ADGRL2: variants seen among roughly 807,000 people sequenced by gnomAD.
ADGRL2 encodes adhesion G protein-coupled receptor L2.
A neutral mutation model predicts 157.4 loss-of-function variants in ADGRL2; 44 were observed. The ratio of observed to expected loss-of-function variants is 0.28; its 90% confidence interval spans 0.22 to 0.36. The LOEUF is 0.36. Ranked by LOEUF, ADGRL2 falls within the 10% of genes least tolerant of loss-of-function variation. The pLI is 1.00. For synonymous variants in ADGRL2, 585 were observed against 624.7 expected, an observed-to-expected ratio of 0.94 and a Z score of 0.95; for missense variants, 1,510 against 1,768.9, an observed-to-expected ratio of 0.85 and a Z score of 2.63.
In ADGRL2 at chr1:81,525,085, A is replaced by C. The variant is rs535746012; in HGVS notation, c.-247-55791A>C. ...TTTTGAATTAGAACCTTTTGAGGTC[A>C]TCACTATTCAAAAAATAAACTAAAA... is the stretch of plus-strand genomic sequence containing the variant. On this transcript the variant is annotated intron_variant, in intron 2 of 24. Transcript: ENST00000370721. 2.0e-3 allele frequency among the ~76,000 whole-genome samples: 305 copies of C among 152,280 alleles called. 1 individual carries two copies. The highest frequency in any genetic ancestry group is 6.8e-3 in the Middle Eastern group (2 of 294).
chr1:81,923,049 G>A (rs1177681349), intron 3 of ADGRL2, among the ~76,000 whole-genome samples: 1 of 152,110 alleles, frequency 6.6e-6, no homozygotes, highest in Non-Finnish European at 1.5e-5. Context: ...AGCTCATTGG[G>A]TAATAGGCTG....
intron 1 of ADGRL2, among the ~76,000 whole-genome samples, chr1:81,359,532 A>G (rs976001409): frequency 5.3e-5 from 8 of 152,074 alleles, no homozygotes; most frequent in Non-Finnish European, 1.5e-5. Flanking sequence ...AGTATACAGC[A>G]TTAATATTTA....
At chr1:81,953,395 CATAAT>C (rs1180532064) in intron 10 of ADGRL2, among the ~76,000 whole-genome samples, 1 of 152,034 alleles carries the variant, frequency 6.6e-6, no homozygotes, top group Non-Finnish European at 1.5e-5. Flanking sequence ...ACTGTATAGT[CATAAT>C]ATATGTGCAT....
At chr1:81,748,033 C>A (rs1445275497) in intron 1 of ADGRL2, among the ~76,000 whole-genome samples, 1 of 152,112 alleles carries the variant, frequency 6.6e-6, no homozygotes, top group Admixed American at 6.5e-5. Context: ...CTAACTTCTG[C>A]TTACAAATCT....
chr1:81,442,602 C>CCTCACAGTAAA lies in ADGRL2; in HGVS notation c.-301-2434_-301-2433insCTCACAGTAAA, dbSNP rs1244307263. Among the ~76,000 whole-genome samples, 20 of 152,276 alleles carry CCTCACAGTAAA rather than the reference C, an allele frequency of 1.3e-4. No homozygotes were observed. In the South Asian group the frequency reaches 4.2e-3, roughly 32 times the overall value. ...TATGTAGGAAATTTTCCTTTGTTAC[C>CCTCACAGTAAA]TGTCATAGAACCTTTACAGTTATGT... On this transcript the variant is annotated intron_variant, in intron 1 of 24. Transcript: ENST00000370721.
chr1:81,387,387 A>G (rs1350663947), intron 1 of ADGRL2, among the ~76,000 whole-genome samples: 1 of 152,176 alleles, frequency 6.6e-6, no homozygotes, highest in South Asian at 2.1e-4. Flanking sequence ...TTTAAGTTTC[A>G]TATATAAATG....
At chr1:81,508,460 T>C (rs1224634524) in intron 2 of ADGRL2, among the ~76,000 whole-genome samples, 4 of 152,236 alleles carry the variant, frequency 2.6e-5, no homozygotes, top group African/African-American at 9.6e-5. Flanking sequence ...AGTGTGCTCA[T>C]GAGGCATTAC....
At chr1:81,316,130 C>CAA (rs1169587245) in intron 1 of ADGRL2, among the ~76,000 whole-genome samples, 30 of 107,830 alleles carry the variant, frequency 2.8e-4, no homozygotes, top group African/African-American at 1.1e-3. Context: ...ACCAAAAAAA[C>CAA]AAAAAAAAAA....
chr1:81,953,001 G>A lies in ADGRL2; in HGVS notation c.1809G>A (p.Glu603=). The part of the protein sequence containing the change: ...GRSYNKLQKR[E]KTCRAYLKAI... ...TTACTTAAAAGCTCCAAAAACGAGA[G>A]AAGACATGCAGGGCTTACCTTAAGG... The change falls in exon 10 of 24, where the codon GAG becomes GAA. Residue 603 remains glutamate, a synonymous_variant. Coordinates refer to ENST00000686636, the MANE Select transcript of ADGRL2 (RefSeq NM_001366006.2). The A allele has an allele frequency of 6.2e-7, 1 of 1,611,858 alleles. No homozygotes were observed.
rs369967142 is a variant in ADGRL2, at chr1:81,633,595, C to CAAAA, written c.-143+52637_-143+52640dup. Among the ~76,000 whole-genome samples the CAAAA allele has an allele frequency of 5.7e-3, 283 of 49,996 alleles. 5 individuals carry two copies. The highest frequency in any genetic ancestry group is 7.2e-3 in the Non-Finnish European group (201 of 27,736). The allele number at this position is 49,996 out of a possible 152,430, so 32.8% of individuals were successfully genotyped here. A position where few individuals can be genotyped will look rare whatever the true frequency, so the allele number is the denominator to read the frequency against. On this transcript the variant is annotated intron_variant, in intron 3 of 24. Transcript: ENST00000370721. ...TGGGTAACAGAGCAAGACTCTGTCT[C>CAAAA]AAAAAAAAAAAAAAAAAAAAAAAAA... is the stretch of plus-strand genomic sequence containing the variant.
chr1:81,691,878 GTGTATA>G (rs769847604), intron 3 of ADGRL2, among the ~76,000 whole-genome samples: 1 of 122,444 alleles, frequency 8.2e-6, no homozygotes, highest in Non-Finnish European at 1.7e-5. Flanking sequence ...GTGTGTGTGT[GTGTATA>G]TATATATATA....
intron 2 of ADGRL2, among the ~76,000 whole-genome samples, chr1:81,775,533 A>G (rs2086545938): frequency 3.3e-5 from 5 of 152,080 alleles, no homozygotes. Flanking sequence ...CAAAAGAGAC[A>G]TGATTCTTGC....
At chr1:81,325,324 A>G (rs943673083) in intron 1 of ADGRL2, among the ~76,000 whole-genome samples, 3 of 152,064 alleles carry the variant, frequency 2.0e-5, no homozygotes, top group Admixed American at 6.5e-5. Flanking sequence ...AGTCTACCCG[A>G]CCTGTATTTA....
chr1:81,478,543 G>T (rs577933869), intron 2 of ADGRL2, among the ~76,000 whole-genome samples: 1 of 152,152 alleles, frequency 6.6e-6, no homozygotes, highest in Non-Finnish European at 1.5e-5. Flanking sequence ...ATCTCTGTTT[G>T]GAAAAAGGTG....
At position 81,932,153 on chromosome 1, in the gene ADGRL2, T is replaced by C. The variant is rs997266785; in HGVS notation, c.288-4575T>C. Among the ~76,000 whole-genome samples, 4 of 152,234 alleles carry C rather than the reference T, an allele frequency of 2.6e-5. No homozygotes were observed. In the East Asian group the frequency reaches 7.7e-4, roughly 29 times the overall value. On this transcript the variant is annotated intron_variant, in intron 3 of 23. Transcript: ENST00000686636. ...TCTGTTATTTTTAATGACATACTTC[T>C]GTAGAACATAGTATATTTTTACATA...
chr1:81,418,000 T>A (rs1248810327), intron 1 of ADGRL2, among the ~76,000 whole-genome samples: 2 of 152,228 alleles, frequency 1.3e-5, no homozygotes, highest in Non-Finnish European at 2.9e-5. Flanking sequence ...AAATAACTCA[T>A]AATGACAGGC....
intron 2 of ADGRL2, among the ~76,000 whole-genome samples, chr1:81,454,228 G>A (rs970838510): frequency 6.6e-6 from 1 of 151,196 alleles, no homozygotes; most frequent in Non-Finnish European, 1.5e-5. Flanking sequence ...GTCTGATTAG[G>A]CTTGTGACTT....
chr1:81,605,163 A>C (rs939028271), intron 3 of ADGRL2, among the ~76,000 whole-genome samples: 3 of 152,184 alleles, frequency 2.0e-5, no homozygotes, highest in Non-Finnish European at 4.4e-5. Context: ...CTGCCATCCA[A>C]GGTCAACATA....
intron 2 of ADGRL2, among the ~76,000 whole-genome samples, chr1:81,903,608 T>C (rs1419518617): frequency 6.6e-6 from 1 of 151,540 alleles, no homozygotes; most frequent in Non-Finnish European, 1.5e-5. Context: ...TAAAACAAAG[T>C]GATCCATATA....
Sources: gnomAD v4.1 joint callset for allele counts (sites outside exome capture counted in the v4.1 genomes callset) on GRCh38, gnomAD v4.1.1 for gene constraint, MANE v1.5 for transcripts, NCBI Gene and HGNC (gene_info 2026-07-23, HGNC 2026-07-21) for gene names.